Variants in RAB7A observed in about 807,000 individuals in gnomAD.
RAB7A encodes the protein RAB7A, member RAS oncogene family.
Under a neutral mutation model 24.5 loss-of-function variants are expected in RAB7A, and 2 were observed. The observed-to-expected ratio is 0.08, with a 90% CI of 0.03 to 0.26. The LOEUF (loss-of-function observed/expected upper bound fraction) is 0.26, where lower values mean the gene tolerates loss of function less well. Ranked by LOEUF, RAB7A falls within the 10% of genes least tolerant of loss-of-function variation. The pLI is 1.00. For missense variants in RAB7A, 118 were observed against 255.7 expected, an observed-to-expected ratio of 0.46 and a Z score of 3.67; for synonymous variants, 100 against 95.9, an observed-to-expected ratio of 1.04 and a Z score of -0.25.
At chr3:128,794,782 C>T (rs769837134) in intron 1 of RAB7A, among the ~76,000 whole-genome samples, 9 of 151,956 alleles carry the variant, frequency 5.9e-5, no homozygotes, top group Non-Finnish European at 1.3e-4. Flanking sequence ...AGTATTCAGA[C>T]GGTACCCAAC....
In RAB7A at chr3:128,779,659, A is replaced by G. The variant is rs531741738; in HGVS notation, c.-8-15701A>G. ...CAGACTGGAGTACAGTGGCAAGATC[A>G]TAGTTCACTGCAGCCTTGAACTCCT... On this transcript the variant is annotated intron_variant, in intron 1 of 5. Transcript: ENST00000265062. Among the ~76,000 whole-genome samples the G allele has an allele frequency of 3.8e-4, 58 of 152,264 alleles. 1 individual carries two copies. The South Asian group carries it at 6.0e-3, about 16-fold the overall frequency.
intron 5 of RAB7A, 91 bp from the exon 6 acceptor site, chr3:128,813,234 AAG>A: frequency 8.5e-7 from 1 of 1,179,462 alleles, no homozygotes. Flanking sequence ...GCCCAAGCAG[AAG>A]TGAGCCCCTC....
chr3:128,747,163 A>G (rs1276754245), intron 1 of RAB7A, among the ~76,000 whole-genome samples: 3 of 151,470 alleles, frequency 2.0e-5, no homozygotes, highest in South Asian at 2.1e-4. Context: ...TTGTTGGTGT[A>G]TATCTGTAGC....
chr3:128,795,319 T>C, intron 1 of RAB7A, 41 bp from the exon 2 acceptor site: 2 of 1,548,526 alleles, frequency 1.3e-6, no homozygotes, highest in Non-Finnish European at 1.8e-6. Context: ...GTTTTGGTGT[T>C]TCCATCACAC....
chr3:128,775,550 G>T (rs972400357), intron 1 of RAB7A, among the ~76,000 whole-genome samples: 2 of 152,154 alleles, frequency 1.3e-5, no homozygotes, highest in African/African-American at 4.8e-5. Context: ...CATTTGTCCT[G>T]AGCAGGCATA....
chr3:128,798,818 A>G, intron 3 of RAB7A: 1 of 181,206 alleles, frequency 5.5e-6, no homozygotes, highest in South Asian at 6.0e-5. Flanking sequence ...CTGTCTCTAA[A>G]TTTAAAAAAA....
chr3:128,766,491 A>G (rs1227900900), intron 1 of RAB7A, among the ~76,000 whole-genome samples: 3 of 152,240 alleles, frequency 2.0e-5, no homozygotes, highest in Non-Finnish European at 4.4e-5. Flanking sequence ...TTTAAAATCA[A>G]CTACCAAGAA....
chr3:128,746,972 G>T (rs2070623724), intron 1 of RAB7A, among the ~76,000 whole-genome samples: 1 of 151,506 alleles, frequency 6.6e-6, no homozygotes, highest in Admixed American at 6.6e-5. Flanking sequence ...ACCCATAAAT[G>T]TATACAATTA....
chr3:128,795,155 G>C, intron 1 of RAB7A: 1 of 618,090 alleles, frequency 1.6e-6, no homozygotes, highest in Non-Finnish European at 3.0e-6. Flanking sequence ...GGATGGCCCT[G>C]CTGTGCTGTT....
At chr3:128,767,516 T>G (rs1296699770) in intron 1 of RAB7A, among the ~76,000 whole-genome samples, 1 of 152,112 alleles carries the variant, frequency 6.6e-6, no homozygotes, top group Non-Finnish European at 1.5e-5. Flanking sequence ...CAACTAGGAT[T>G]GTGGAAATGT....
At chr3:128,758,925 C>G (rs990974541) in intron 1 of RAB7A, among the ~76,000 whole-genome samples, 22 of 152,286 alleles carry the variant, frequency 1.4e-4, no homozygotes, top group African/African-American at 5.3e-4. Context: ...ATCCCTGGCT[C>G]AGAGTTTTAA....
intron 1 of RAB7A, among the ~76,000 whole-genome samples, chr3:128,771,899 T>C (rs1270312248): frequency 2.0e-5 from 3 of 152,198 alleles, no homozygotes; most frequent in African/African-American, 7.2e-5. Context: ...TGAGGACTCT[T>C]GTCACTCCTT....
At chr3:128,758,210 T>G (rs568333078) in intron 1 of RAB7A, among the ~76,000 whole-genome samples, 1 of 151,854 alleles carries the variant, frequency 6.6e-6, no homozygotes, top group Admixed American at 6.6e-5. Flanking sequence ...ATGATCTTCC[T>G]GCCCTAGCCT....
chr3:128,746,623 G>T (rs1443889193), intron 1 of RAB7A, among the ~76,000 whole-genome samples: 1 of 152,032 alleles, frequency 6.6e-6, no homozygotes, highest in Non-Finnish European at 1.5e-5. Context: ...CCGCCTCCCA[G>T]GTTCATGCCA....
intron 1 of RAB7A, among the ~76,000 whole-genome samples, chr3:128,737,825 GTTTTTTTTTTTTTT>G (rs56027163): frequency 4.5e-3 from 269 of 59,514 alleles, no homozygotes; most frequent in South Asian, 9.3e-3. Flanking sequence ...TTTTTTTGTA[GTTTTTTTTTTTTTT>G]TTTTTTTTTT....
intron 1 of RAB7A, among the ~76,000 whole-genome samples, chr3:128,757,308 A>G (rs185388894): frequency 5.8e-4 from 88 of 152,244 alleles, no homozygotes; most frequent in Middle Eastern, 3.4e-3. Context: ...ACAGTAACAC[A>G]GGGTGAAGTG....
chr3:128,795,751 C>CTTTTTTTTTTTT (rs71153147), intron 2 of RAB7A, among the ~76,000 whole-genome samples: 1,416 of 42,924 alleles, frequency 0.033, 445 homozygotes, highest in South Asian at 0.095. Context: ...AGCAGATGTG[C>CTTTTTTTTTTTT]TTTTTTTTTT....
intron 3 of RAB7A, among the ~76,000 whole-genome samples, chr3:128,798,619 G>A (rs532815497): frequency 6.6e-6 from 1 of 152,058 alleles, no homozygotes; most frequent in African/African-American, 2.4e-5. Context: ...TTGTTGAAAA[G>A]CCTTCACATT....
At chr3:128,744,740 A>T (rs971620240) in intron 1 of RAB7A, among the ~76,000 whole-genome samples, 4 of 152,226 alleles carry the variant, frequency 2.6e-5, no homozygotes, top group Admixed American at 2.6e-4. Context: ...AAAGCTAACC[A>T]GGTAATGTCA....
Sources: gnomAD v4.1 joint callset for allele counts (sites outside exome capture counted in the v4.1 genomes callset) on GRCh38, gnomAD v4.1.1 for gene constraint, MANE v1.5 for transcripts, NCBI Gene and HGNC (gene_info 2026-07-23, HGNC 2026-07-21) for gene names.